Variants in SH2D1B observed in about 807,000 individuals in gnomAD.
The protein encoded by SH2D1B is SH2 domain-containing protein 1B.
A neutral mutation model predicts 16.3 loss-of-function variants in SH2D1B; 11 were observed. That is an observed-to-expected ratio of 0.67 (90% CI 0.42 to 1.11). The LOEUF (loss-of-function observed/expected upper bound fraction) is 1.11, where lower values mean the gene tolerates loss of function less well. Among genes scored for constraint, SH2D1B ranks in the 50% most tolerant of loss-of-function variants. The pLI is 0.00. For synonymous variants in SH2D1B, 55 were observed against 56.1 expected (o/e 0.98, Z 0.09); for missense variants, 123 against 153.1 (o/e 0.80, Z 1.04).
chr1:162,404,512 A>C (rs1399973747), intron 1 of SH2D1B, among the ~76,000 whole-genome samples: 1 of 152,208 alleles, frequency 6.6e-6, no homozygotes, highest in East Asian at 1.9e-4. Context: ...TGTACAAAAT[A>C]AGTACATATA....
intron 1 of SH2D1B, among the ~76,000 whole-genome samples, chr1:162,407,777 G>A (rs1248826660): frequency 1.3e-5 from 2 of 152,160 alleles, no homozygotes; most frequent in South Asian, 2.1e-4. Context: ...GTCTCTCCCT[G>A]TCATATGACT....
chr1:162,411,709 G>T (rs1162527089), intron 1 of SH2D1B, among the ~76,000 whole-genome samples, 174 bp downstream of exon 1: 1 of 152,150 alleles, frequency 6.6e-6, no homozygotes, highest in African/African-American at 2.4e-5. Flanking sequence ...CAGGCAGATG[G>T]AGGAGCATGG....
At chr1:162,399,213 G>T in intron 2 of SH2D1B, 126 bp from the exon 3 acceptor site, 1 of 859,322 alleles carries the variant, frequency 1.2e-6, no homozygotes, top group Non-Finnish European at 1.8e-6. Context: ...ACAAGTGGCT[G>T]GAGCTCACAC....
At chr1:162,407,028 T>C (rs1306006985) in intron 1 of SH2D1B, among the ~76,000 whole-genome samples, 1 of 152,240 alleles carries the variant, frequency 6.6e-6, no homozygotes, top group South Asian at 2.1e-4. Context: ...AGTTACCACA[T>C]AGCTTTCTGG....
intron 2 of SH2D1B, chr1:162,402,499 C>T (rs886903371): frequency 5.7e-6 from 2 of 351,894 alleles, no homozygotes; most frequent in African/African-American, 2.1e-5. Context: ...GCCTGGACGA[C>T]AGAGCGAGAC....
At chr1:162,397,403 C>T in intron 3 of SH2D1B, 88 bp from the exon 4 acceptor site, 2 of 1,429,574 alleles carry the variant, frequency 1.4e-6, no homozygotes, top group African/African-American at 1.4e-5. Context: ...GAAAGAAGAC[C>T]CCTCCCCAGG....
rs141303122 is a variant in SH2D1B at position 162,399,897 on chromosome 1, G to A, written c.199-810C>T. Among the ~76,000 whole-genome samples, 247 of 152,250 alleles carry A rather than the reference G, an allele frequency of 1.6e-3. 1 individual carries two copies. The highest frequency in any genetic ancestry group is 3.5e-3 in the Admixed American group (54 of 15,300). ...CCATGTGAGAGATTTTACCATAAAT[G>A]CTTCCAACTCTAATTTCGATCCTCT... On this transcript the variant is annotated intron_variant, in intron 2 of 3. Coordinates refer to ENST00000367929, the MANE Select transcript of SH2D1B (RefSeq NM_053282.5).
chr1:162,408,570 A>G (rs1187575206), intron 1 of SH2D1B, among the ~76,000 whole-genome samples: 1 of 149,864 alleles, frequency 6.7e-6, no homozygotes, highest in Non-Finnish European at 1.5e-5. Flanking sequence ...ATGCCACCAC[A>G]CCCAGCTAAT....
chr1:162,399,348 G>A (rs1467393699), intron 2 of SH2D1B, among the ~76,000 whole-genome samples: 1 of 152,094 alleles, frequency 6.6e-6, no homozygotes, highest in African/African-American at 2.4e-5. Flanking sequence ...CCCCATCCTT[G>A]GGAAGTTTAC....
chr1:162,398,828 A>T (rs1448669101), intron 3 of SH2D1B, 95 bp downstream of exon 3: 11 of 1,386,374 alleles, frequency 7.9e-6, no homozygotes, highest in Non-Finnish European at 1.1e-5. Flanking sequence ...ATAATGTCAC[A>T]GAAAAGAGCA....
intron 1 of SH2D1B, among the ~76,000 whole-genome samples, chr1:162,411,085 AGCCAGTATTACAGGCACAC>A (rs923470214): frequency 2.6e-5 from 4 of 151,438 alleles, no homozygotes; most frequent in African/African-American, 9.7e-5. Flanking sequence ...CCTCTCAAGT[AGCCAGTATTACAGGCACAC>A]GCCACCACAC....
chr1:162,406,808 C>G (rs919177647), intron 1 of SH2D1B, among the ~76,000 whole-genome samples: 2 of 152,136 alleles, frequency 1.3e-5, no homozygotes, highest in Admixed American at 6.5e-5. Flanking sequence ...TCACCTGCAG[C>G]CTTCCTATGG....
intron 3 of SH2D1B, among the ~76,000 whole-genome samples, chr1:162,398,186 G>A (rs1186260470): frequency 2.0e-5 from 3 of 152,138 alleles, no homozygotes; most frequent in African/African-American, 7.2e-5. Context: ...CCTCTCCTAG[G>A]GAGGATATCT....
rs2101855526 is a variant in SH2D1B, at chr1:162,395,769, A to G, written c.*1511T>C. ...TTACAGCAACTAGAAATAGGAATTAATCTAACAGAATATACAAGACTTCAG... is the reference window on the plus strand; with the variant it reads ...TTACAGCAACTAGAAATAGGAATTAGTCTAACAGAATATACAAGACTTCAG... On this transcript the variant is annotated 3_prime_UTR_variant, in exon 4 of 4. Transcript: ENST00000367929. The G allele has an allele frequency of 6.6e-6, 1 of 152,356 alleles. No homozygotes were observed. Among genetic ancestry groups the G allele is most frequent in the East Asian group, 1.9e-4 (1 of 5,186 alleles). The allele number at this position is 152,356 out of a possible 1,614,324, so 9.4% of individuals were successfully genotyped here. A position where few individuals can be genotyped will look rare whatever the true frequency, so the allele number is the denominator to read the frequency against.
chr1:162,398,142 T>C (rs1454331266), intron 3 of SH2D1B, among the ~76,000 whole-genome samples: 2 of 152,110 alleles, frequency 1.3e-5, no homozygotes, highest in African/African-American at 4.8e-5. Flanking sequence ...GATGGAGTGA[T>C]TGCAGGCTCC....
rs147882436 is a variant in SH2D1B, at chr1:162,397,706, G to A, written c.364-391C>T. Among the ~76,000 whole-genome samples, 322 of 152,306 alleles carry A rather than the reference G, an allele frequency of 2.1e-3. 1 individual carries two copies. The highest frequency in any genetic ancestry group is 3.6e-3 in the Non-Finnish European group (242 of 68,018). ...CAGCACTGACCCGGCATGGAAAACT[G>A]ATGGAGTGAGATTCATGCCCAGGTC... On this transcript the variant is annotated intron_variant, in intron 3 of 3. Transcript: ENST00000367929.
intron 1 of SH2D1B, 112 bp downstream of exon 1, chr1:162,411,771 G>A: frequency 7.0e-7 from 1 of 1,418,628 alleles, no homozygotes; most frequent in Non-Finnish European, 9.7e-7. Flanking sequence ...TCTACTCATT[G>A]AGACTCCAAA....
chr1:162,410,973 T>G (rs755950506), intron 1 of SH2D1B, among the ~76,000 whole-genome samples: 13 of 145,300 alleles, frequency 8.9e-5, no homozygotes, highest in Admixed American at 4.8e-4. Flanking sequence ...TTTCTTTTTT[T>G]TGGACAGAGT....
intron 1 of SH2D1B, among the ~76,000 whole-genome samples, chr1:162,409,268 C>T (rs560697436): frequency 6.6e-6 from 1 of 152,282 alleles, no homozygotes; most frequent in South Asian, 2.1e-4. Context: ...AGAGACACAA[C>T]AGTTTCTGTT....
Sources: gnomAD v4.1 joint callset for allele counts (sites outside exome capture counted in the v4.1 genomes callset) on GRCh38, gnomAD v4.1.1 for gene constraint, MANE v1.5 for transcripts, NCBI Gene and HGNC (gene_info 2026-07-23, HGNC 2026-07-21) for gene names.